ST3GAL6: variants seen among roughly 807,000 people sequenced by gnomAD.
The protein encoded by ST3GAL6 is ST3 beta-galactoside alpha-2,3-sialyltransferase 6.
In ST3GAL6, 31 loss-of-function variants were observed where a neutral mutation model predicts 40.5. The ratio of observed to expected loss-of-function variants is 0.77; its 90% confidence interval spans 0.58 to 1.03. The LOEUF is 1.03. ST3GAL6 is among the 50% of genes least tolerant of loss of function. The probability of loss-of-function intolerance (pLI) is 0.00; values close to 1 mark genes in which losing one functional copy is unlikely to be tolerated. For missense variants in ST3GAL6, 357 were observed against 393.2 expected (o/e 0.91, Z 0.78); for synonymous variants, 129 against 136.9 (o/e 0.94, Z 0.40).
chr3:98,775,681 CTGTT>C (rs1396137881), intron 5 of ST3GAL6, among the ~76,000 whole-genome samples: 1 of 152,158 alleles, frequency 6.6e-6, no homozygotes, highest in Non-Finnish European at 1.5e-5. Flanking sequence ...AGGTGTTCAT[CTGTT>C]TGTGTATGCC....
chr3:98,793,732 A>C lies in ST3GAL6; in HGVS notation c.967A>C (p.Asn323His), dbSNP rs143530286. 8.7e-6 allele frequency: 14 copies of C among 1,604,242 alleles called. No individual in the cohort carries two copies. In the African/African-American group the frequency reaches 1.7e-4, roughly 20 times the overall value. Reference protein sequence around the residue: ...QLFLKDIIEKNLVINLTQD With the variant: ...QLFLKDIIEKHLVINLTQD Reference sequence around the variant, plus strand: ...CTTTTTGAAGGACATTATAGAAAAAAACCTCGTAATCAACTTGACTCAAGA... The same window carrying C: ...CTTTTTGAAGGACATTATAGAAAAACACCTCGTAATCAACTTGACTCAAGA... The change falls in exon 10 of 10, where the codon AAC (asparagine) becomes CAC (histidine). Residue 323 changes from asparagine (N) to histidine (H), a missense_variant. Physicochemically the swap from Asn to His is moderately conservative, Grantham distance 68 (BLOSUM62 1). Transcript: ENST00000483910.
At chr3:98,747,798 A>G (rs1199770957) in intron 1 of ST3GAL6, among the ~76,000 whole-genome samples, 1 of 152,210 alleles carries the variant, frequency 6.6e-6, no homozygotes. Flanking sequence ...TATACTCTAT[A>G]ATGTTTATGA....
chr3:98,771,528 A>G (rs763821067), intron 3 of ST3GAL6, among the ~76,000 whole-genome samples: 3 of 152,204 alleles, frequency 2.0e-5, no homozygotes, highest in Non-Finnish European at 2.9e-5. Context: ...AATGCTCTAG[A>G]TAACAAGAAA....
intron 1 of ST3GAL6, among the ~76,000 whole-genome samples, chr3:98,734,545 A>G (rs1935359296): frequency 6.6e-6 from 1 of 152,042 alleles, no homozygotes; most frequent in South Asian, 2.1e-4. Context: ...CTTGAATTGT[A>G]TTTTTACTAT....
rs138076870 is a variant in ST3GAL6 at position 98,775,567 on chromosome 3, C to T, written c.335+1584C>T. 9.7e-4 allele frequency among the ~76,000 whole-genome samples: 147 copies of T among 151,942 alleles called. 2 individuals carry two copies. The East Asian group carries it at 0.022, about 23-fold the overall frequency. ...TGACTCCATACATGCAAGCTACTGT[C>T]AGGATTCTGGAGGCTATATGACTAG... On this transcript the variant is annotated intron_variant, in intron 5 of 9. Coordinates refer to ENST00000483910, the MANE Select transcript of ST3GAL6 (RefSeq NM_001323368.2).
At chr3:98,793,636 T>C (rs1435359644) in intron 9 of ST3GAL6, 39 bp from the exon 10 acceptor site, 4 of 1,368,394 alleles carry the variant, frequency 2.9e-6, no homozygotes, top group Non-Finnish European at 4.0e-6. Context: ...TACTTTGAGA[T>C]TGGGAAAGAA....
intron 1 of ST3GAL6, among the ~76,000 whole-genome samples, chr3:98,740,215 T>C (rs1388131684): frequency 6.7e-6 from 1 of 148,186 alleles, no homozygotes; most frequent in African/African-American, 2.5e-5. Context: ...GGCTCTCTTA[T>C]TGCAAAACAC....
intron 1 of ST3GAL6, among the ~76,000 whole-genome samples, chr3:98,739,638 A>G (rs905481298): frequency 1.3e-5 from 2 of 152,212 alleles, no homozygotes; most frequent in African/African-American, 2.4e-5. Context: ...TTAATATGTA[A>G]GAGTCCTTAA....
chr3:98,774,400 T>A (rs983000588), intron 5 of ST3GAL6, among the ~76,000 whole-genome samples: 4 of 152,224 alleles, frequency 2.6e-5, no homozygotes, highest in Admixed American at 2.6e-4. Context: ...ATTATTAGAT[T>A]TTGGAAGCAG....
intron 9 of ST3GAL6, among the ~76,000 whole-genome samples, chr3:98,792,370 A>G (rs973085030): frequency 3.3e-5 from 5 of 152,220 alleles, no homozygotes; most frequent in African/African-American, 9.6e-5. Flanking sequence ...TAAGTAGACA[A>G]GATGGTGTAG....
chr3:98,793,433 T>TG (rs1417786395), intron 9 of ST3GAL6, among the ~76,000 whole-genome samples: 11 of 152,212 alleles, frequency 7.2e-5, no homozygotes, highest in Non-Finnish European at 1.5e-5. Flanking sequence ...CAGGGTTTGA[T>TG]ATGAAGGAGT....
intron 1 of ST3GAL6, among the ~76,000 whole-genome samples, chr3:98,736,576 G>C (rs565422286): frequency 6.6e-6 from 1 of 152,258 alleles, no homozygotes; most frequent in African/African-American, 2.4e-5. Context: ...GGGGCAACAA[G>C]GGAGCAGAAA....
intron 1 of ST3GAL6, among the ~76,000 whole-genome samples, chr3:98,740,418 T>C (rs1559719513): frequency 6.6e-6 from 1 of 152,186 alleles, no homozygotes; most frequent in Non-Finnish European, 1.5e-5. Flanking sequence ...TCTGCCATCT[T>C]ATGTTGCTAA....
At chr3:98,788,593 T>C in intron 8 of ST3GAL6, 130 bp downstream of exon 8, 1 of 719,122 alleles carries the variant, frequency 1.4e-6, no homozygotes. Context: ...ATCTCTGAGT[T>C]AGTAAAAGTA....
At chr3:98,793,127 A>G (rs1941350203) in intron 9 of ST3GAL6, among the ~76,000 whole-genome samples, 1 of 152,148 alleles carries the variant, frequency 6.6e-6, no homozygotes, top group Non-Finnish European at 1.5e-5. Context: ...GTACCCCAAC[A>G]GACTTTGGAT....
chr3:98,752,211 G>T (rs767872322), intron 1 of ST3GAL6, among the ~76,000 whole-genome samples: 4 of 152,086 alleles, frequency 2.6e-5, no homozygotes, highest in African/African-American at 9.7e-5. Context: ...AGCAGTTAGA[G>T]CCAGTTACGG....
chr3:98,790,230 G>C (rs892854560), intron 8 of ST3GAL6, among the ~76,000 whole-genome samples: 19 of 152,188 alleles, frequency 1.2e-4, no homozygotes, highest in African/African-American at 4.6e-4. Flanking sequence ...TCAGCAGAAA[G>C]AAACACTGAT....
chr3:98,780,994 C>T (rs1162280617), intron 5 of ST3GAL6, among the ~76,000 whole-genome samples: 2 of 152,150 alleles, frequency 1.3e-5, no homozygotes, highest in African/African-American at 4.8e-5. Context: ...ACTATATAGA[C>T]ATTATACTAT....
At position 98,791,885 on chromosome 3, in the gene ST3GAL6, G is replaced by C. The variant is rs759540737; in HGVS notation, c.801G>C (p.Ala267=). Residue 267 remains alanine, a synonymous_variant, in exon 9 of 10, where the codon GCG becomes GCC. Coordinates refer to ENST00000483910, the MANE Select transcript of ST3GAL6 (RefSeq NM_001323368.2). ...PTTGIIAITL[A]FYICHEVHLA... The stretch of plus-strand genomic sequence containing the variant: ...CAGGAATTATTGCCATCACATTGGC[G>C]TTTTACATATGTCACGAAGTTCACC... 2.5e-6 allele frequency: 4 copies of C among 1,613,524 alleles called. No individual in the cohort carries two copies. In the Admixed American group the frequency reaches 5.0e-5, roughly 20 times the overall value.
Sources: gnomAD v4.1 joint callset for allele counts (sites outside exome capture counted in the v4.1 genomes callset) on GRCh38, gnomAD v4.1.1 for gene constraint, MANE v1.5 for transcripts, NCBI Gene and HGNC (gene_info 2026-07-23, HGNC 2026-07-21) for gene names.